The following MAP1B variants were observed in gnomAD, a reference collection of about 807,000 sequenced individuals.
MAP1B encodes the protein microtubule associated protein 1B, also known as microtubule-associated protein 1B.
A neutral mutation model predicts 176.1 loss-of-function variants in MAP1B; 12 were observed. That is an observed-to-expected ratio of 0.07 (90% CI 0.04 to 0.11). The LOEUF (loss-of-function observed/expected upper bound fraction) is 0.11, where lower values mean the gene tolerates loss of function less well. MAP1B is among the 10% of genes least tolerant of loss of function. The pLI, the probability that MAP1B is intolerant of heterozygous loss-of-function variation, is 1.00. For synonymous variants in MAP1B, 1,044 were observed against 1,135.0 expected, an observed-to-expected ratio of 0.92 and a Z score of 1.61; for missense variants, 2,523 against 2,990.5, an observed-to-expected ratio of 0.84 and a Z score of 3.65.
chr5:72,153,803 AC>A (rs1256705424), intron 2 of MAP1B, among the ~76,000 whole-genome samples: 3 of 152,162 alleles, frequency 2.0e-5, no homozygotes, highest in African/African-American at 7.2e-5. Flanking sequence ...AATAGAAATG[AC>A]AAAAACGTCT....
At chr5:72,119,758 C>T (rs1745493792) in intron 2 of MAP1B, among the ~76,000 whole-genome samples, 1 of 152,174 alleles carries the variant, frequency 6.6e-6, no homozygotes, top group South Asian at 2.1e-4. Context: ...ATCTGTCTGC[C>T]TTGGCCTCAA....
At position 72,167,016 on chromosome 5, in the gene MAP1B, C is replaced by T. The variant is rs960651022; in HGVS notation, c.287-16727C>T. Among the ~76,000 whole-genome samples the T allele has an allele frequency of 9.0e-3, 1,288 of 142,404 alleles. 13 individuals carry two copies. Among genetic ancestry groups the T allele is most frequent in the African/African-American group, 0.03 (1,184 of 39,006 alleles). The allele number at this position is 142,404 out of a possible 152,430, so 93.4% of individuals were successfully genotyped here. A position where few individuals can be genotyped will look rare whatever the true frequency, so the allele number is the denominator to read the frequency against. ...ATGTATGCTAATTGCTATATTCCTT[C>T]TTTTTTTTTTTTTTTTCCACGGGAA... On this transcript the variant is annotated intron_variant, in intron 2 of 6. Transcript: ENST00000296755.
At chr5:72,187,793 G>T (rs180773579) in intron 4 of MAP1B, among the ~76,000 whole-genome samples, 6 of 152,140 alleles carry the variant, frequency 3.9e-5, no homozygotes, top group Non-Finnish European at 5.9e-5. Flanking sequence ...TCACCTGGAG[G>T]CTTCTTTAAA....
intron 1 of MAP1B, 122 bp downstream of exon 1, chr5:72,107,837 T>A: frequency 1.0e-6 from 1 of 980,404 alleles, no homozygotes; most frequent in Non-Finnish European, 1.5e-6. Context: ...CCTCGTCACC[T>A]CTCATACTTG....
Position 72,127,797 on chromosome 5 carries a change from GATT to G in MAP1B, c.286+12005_286+12007del, listed in dbSNP as rs530007874. Among the ~76,000 whole-genome samples, 285 of 152,102 alleles carry G rather than the reference GATT, an allele frequency of 1.9e-3. 1 individual carries two copies. Among genetic ancestry groups the G allele is most frequent in the African/African-American group, 6.5e-3 (271 of 41,498 alleles). On this transcript the variant is annotated intron_variant, in intron 2 of 6. Transcript: ENST00000296755. ...GAGAGTTGCCAATAATCCCTCGTGG[GATT>G]ATTATTTTTCAAAGTTGTAGAATCC...
intron 5 of MAP1B, among the ~76,000 whole-genome samples, chr5:72,202,207 T>G (rs867180061): frequency 6.6e-6 from 1 of 152,220 alleles, no homozygotes; most frequent in African/African-American, 2.4e-5. Flanking sequence ...TGAGCAATAT[T>G]CATTTGATGT....
At position 72,196,012 on chromosome 5, in the gene MAP1B, A is replaced by G. The variant is rs189809613; in HGVS notation, c.2657A>G (p.Lys886Arg). The change falls in exon 5 of 7, where the codon AAA (lysine) becomes AGA (arginine). Residue 886 changes from lysine to arginine, a missense_variant. Around this residue, in one of 4 missense-constraint regions of MAP1B, gnomAD observed 1,925 missense variants for 2,126.0 expected, o/e 0.91. Coordinates refer to ENST00000296755, the MANE Select transcript of MAP1B (RefSeq NM_005909.5). The surrounding 1 kb of genome is among the most constrained non-coding windows in gnomAD (Gnocchi z 5.3). ...ATCCAGAAGGAGAGAGAAGTCACCA[A>G]AGGTCCTGCCGAGTCCCCTGATGAG... is the stretch of plus-strand genomic sequence containing the variant. The part of the protein sequence containing the change: ...YVIQKEREVT[K>R]GPAESPDEGI... 7 of 1,614,224 alleles carry G rather than the reference A, an allele frequency of 4.3e-6. No individual in the cohort carries two copies. The Admixed American group carries it at 1.2e-4, about 27-fold the overall frequency.
chr5:72,112,098 T>A (rs1255405750), intron 1 of MAP1B, among the ~76,000 whole-genome samples: 3 of 152,224 alleles, frequency 2.0e-5, no homozygotes, highest in South Asian at 4.1e-4. Context: ...CAGACCACTT[T>A]TTAGCATAGT....
rs145384755 is a variant in MAP1B, at chr5:72,200,182, G to C, written c.6827G>C (p.Gly2276Ala). ...KPLAASPKPA[G>A]LKESSDKVSR... ...TTGGCAGCTTCACCAAAACCAGCGG[G>C]CTTGAAAGAATCCTCGGATAAAGTG... Residue 2276 changes from glycine (G) to alanine (A), a missense_variant, in exon 5 of 7, where the codon GGC becomes GCC. By Grantham distance (60) the Gly-to-Ala change is moderately conservative. Coordinates refer to ENST00000296755, the MANE Select transcript of MAP1B (RefSeq NM_005909.5). The C allele has an allele frequency of 2.5e-6, 4 of 1,614,124 alleles. No individual in the cohort carries two copies. The African/African-American group carries it at 5.3e-5, about 22-fold the overall frequency.
intron 2 of MAP1B, among the ~76,000 whole-genome samples, chr5:72,152,508 G>A (rs143215898): frequency 9.9e-5 from 15 of 152,038 alleles, no homozygotes; most frequent in Admixed American, 5.9e-4. Context: ...GTGCAGTGGC[G>A]CAATCTCGGC....
In MAP1B at chr5:72,107,525, C is replaced by G. The variant is rs1745100577; in HGVS notation, c.-7C>G. 5 of 1,556,340 alleles carry G rather than the reference C, an allele frequency of 3.2e-6. No homozygotes were observed. The highest frequency in any genetic ancestry group is 3.5e-6 in the Non-Finnish European group (4 of 1,155,176). On this transcript the variant is annotated 5_prime_UTR_variant, in exon 1 of 7. Transcript: ENST00000296755. ...AGACACTTCGCCGAGGCACAGCAGC[C>G]GGCAGGATGGCGACCGTGGTGGTGG...
At position 72,199,901 on chromosome 5, in the gene MAP1B, C is replaced by T. The variant is rs77733766; in HGVS notation, c.6546C>T (p.Asp2182=). Residue 2182 remains aspartate (D), a synonymous_variant, in exon 5 of 7, where the codon GAC becomes GAT. Transcript: ENST00000296755. The surrounding 1 kb of genome is among the most constrained non-coding windows in gnomAD (Gnocchi z 4.2). ...ITADANIDSE[D]ESETIPTDKT... ...CCGATGCCAATATCGACTCTGAAGA[C>T]GAGTCGGAAACCATCCCCACAGACA... is the stretch of plus-strand genomic sequence containing the variant. The T allele has an allele frequency of 5.9e-4, 946 of 1,614,122 alleles. 3 individuals carry two copies. In the African/African-American group the frequency reaches 0.011, roughly 19 times the overall value.
At chr5:72,147,780 G>A in intron 2 of MAP1B, among the ~76,000 whole-genome samples, 1 of 152,352 alleles carries the variant, frequency 6.6e-6, no homozygotes, top group East Asian at 1.9e-4. Flanking sequence ...ATTTGATGGA[G>A]TGGGCTTGGT....
Position 72,206,392 on chromosome 5 carries a change from C to G in MAP1B, c.*1153C>G, listed in dbSNP as rs1747447074. On this transcript the variant is annotated 3_prime_UTR_variant, in exon 7 of 7. Coordinates refer to ENST00000296755, the MANE Select transcript of MAP1B (RefSeq NM_005909.5). ...CCACTTCAGTGCACCTGTGGCCTCT[C>G]AGTCAAACAAGTTGTGCCTTTCACA... The G allele has an allele frequency of 6.6e-6, 1 of 152,640 alleles. No homozygotes were observed. 9.5% of individuals were successfully genotyped at this position (152,640 alleles called of 1,614,324 possible). A position where few individuals can be genotyped will look rare whatever the true frequency, so the allele number is the denominator to read the frequency against.
chr5:72,180,049 A>G, intron 2 of MAP1B: 1 of 472,754 alleles, frequency 2.1e-6, no homozygotes, highest in South Asian at 8.9e-5. Flanking sequence ...TTTGGGGAAG[A>G]GCGTGCTGTG....
intron 2 of MAP1B, among the ~76,000 whole-genome samples, chr5:72,144,352 T>C (rs1746007062): frequency 6.6e-6 from 1 of 152,222 alleles, no homozygotes; most frequent in Non-Finnish European, 1.5e-5. Context: ...GTATCTATTT[T>C]GCCTGCTCAG....
intron 1 of MAP1B, 100 bp downstream of exon 1, chr5:72,107,815 AC>A: frequency 1.1e-5 from 13 of 1,231,778 alleles, no homozygotes; most frequent in Non-Finnish European, 1.5e-5. Flanking sequence ...CGCGCCCCGC[AC>A]CCATGCCTCT....
At chr5:72,142,525 T>C (rs1332959120) in intron 2 of MAP1B, among the ~76,000 whole-genome samples, 1 of 152,224 alleles carries the variant, frequency 6.6e-6, no homozygotes, top group African/African-American at 2.4e-5. Flanking sequence ...GGAATAATTA[T>C]GTGGAAACAA....
chr5:72,195,703 A>G lies in MAP1B; in HGVS notation c.2348A>G (p.Lys783Arg). The G allele has an allele frequency of 6.2e-7, 1 of 1,614,200 alleles. No homozygotes were observed. The highest frequency in any genetic ancestry group is 8.5e-7 in the Non-Finnish European group (1 of 1,180,020). The change falls in exon 5 of 7, where the codon AAA becomes AGA. Residue 783 changes from lysine (K) to arginine (R), a missense_variant. Coordinates refer to ENST00000296755, the MANE Select transcript of MAP1B (RefSeq NM_005909.5). The stretch of plus-strand genomic sequence containing the variant: ...AAGCCAAAGGAGAAGGGGAAAATAA[A>G]AGTCATTAAGAAGGAAGGCAAGGCC... ...AGKPKEKGKI[K>R]VIKKEGKAAE...
Sources: allele counts gnomAD v4.1 joint callset (sites outside exome capture counted in the v4.1 genomes callset), GRCh38; gene constraint gnomAD v4.1.1; regional missense constraint gnomAD v4.1.1; non-coding constraint Gnocchi (gnomAD v3.1); transcripts MANE v1.5; gene names NCBI Gene and HGNC (gene_info 2026-07-23, HGNC 2026-07-21).